Variants in HADHB observed in about 807,000 individuals in gnomAD.
HADHB encodes the protein trifunctional enzyme subunit beta, mitochondrial.
Under a neutral mutation model 61.9 loss-of-function variants are expected in HADHB, and 50 were observed. The observed-to-expected ratio is 0.81, with a 90% CI of 0.64 to 1.02. The LOEUF (loss-of-function observed/expected upper bound fraction) is 1.02. Among genes scored for constraint, HADHB ranks in the 50% least tolerant of loss-of-function variants. The pLI is 0.00. For missense variants in HADHB, 504 were observed against 586.5 expected (o/e 0.86, Z 1.45); for synonymous variants, 191 against 201.6 (o/e 0.95, Z 0.45).
chr2:26,254,816 T>G, intron 3 of HADHB: 1 of 259,330 alleles, frequency 3.9e-6, no homozygotes, highest in South Asian at 5.4e-5. Flanking sequence ...AGACCTGCTA[T>G]GGAACCAAAA....
chr2:26,287,281 A>T (rs181956915), intron 15 of HADHB, among the ~76,000 whole-genome samples: 18 of 152,286 alleles, frequency 1.2e-4, no homozygotes, highest in Admixed American at 1.2e-3. Context: ...TGCAGAAACC[A>T]AGGGGTCAGT....
In HADHB at chr2:26,288,506, C is replaced by T. The variant is rs967664249; in HGVS notation, c.1390-1412C>T. ...GGCAGATTGCTTGAGCTCAGGAGTTCGAGACCATCCTGGACAACATGGCAA... is the reference window on the plus strand; with the variant it reads ...GGCAGATTGCTTGAGCTCAGGAGTTTGAGACCATCCTGGACAACATGGCAA... On this transcript the variant is annotated intron_variant, in intron 15 of 15. Transcript: ENST00000317799. 7.2e-5 allele frequency among the ~76,000 whole-genome samples: 11 copies of T among 151,732 alleles called. No homozygotes were observed. The South Asian group carries it at 1.0e-3, about 14-fold the overall frequency.
chr2:26,269,769 T>C (rs1265864169), intron 4 of HADHB, among the ~76,000 whole-genome samples, 184 bp from the exon 5 acceptor site: 2 of 152,228 alleles, frequency 1.3e-5, no homozygotes, highest in Non-Finnish European at 2.9e-5. Flanking sequence ...GCTAGACTTT[T>C]AAGGATGACA....
In HADHB at chr2:26,282,820, A is replaced by G. The variant is rs780620904; in HGVS notation, c.934-25A>G. Reference sequence around the variant, plus strand: ...ACCTCCAGACAGGCTGAAGAATTTTAACATTGTGCTGGTTAACATTTCAGA... The same window carrying G: ...ACCTCCAGACAGGCTGAAGAATTTTGACATTGTGCTGGTTAACATTTCAGA... On this transcript the variant is annotated intron_variant, in intron 10 of 15. Transcript: ENST00000317799. The G allele has an allele frequency of 3.2e-6, 5 of 1,565,486 alleles. No homozygotes were observed. In the East Asian group the frequency reaches 1.1e-4, roughly 35 times the overall value.
intron 3 of HADHB, among the ~76,000 whole-genome samples, chr2:26,257,152 G>A (rs867796647): frequency 6.8e-4 from 91 of 134,602 alleles, no homozygotes; most frequent in Non-Finnish European, 1.2e-3. Context: ...ACAGAGTCTC[G>A]TGCTGTCGCC....
intron 6 of HADHB, 146 bp from the exon 7 acceptor site, chr2:26,276,927 A>G (rs1177166710): frequency 3.1e-6 from 2 of 646,688 alleles, no homozygotes; most frequent in South Asian, 1.7e-5. Context: ...CATTTCTGTG[A>G]TGGACTTCAT....
chr2:26,254,218 AG>A (rs1671519217), intron 1 of HADHB, 28 bp from the exon 2 acceptor site: 1 of 983,668 alleles, frequency 1.0e-6, no homozygotes, highest in African/African-American at 1.6e-5. Flanking sequence ...CAGCTAATCC[AG>A]GATATACTTT....
chr2:26,250,125 G>T (rs1019934219), intron 1 of HADHB, among the ~76,000 whole-genome samples: 2 of 152,130 alleles, frequency 1.3e-5, no homozygotes, highest in African/African-American at 4.8e-5. Context: ...TCCTGCCTCA[G>T]TTCCCAAGTA....
In HADHB at chr2:26,263,417, C is replaced by A; in HGVS notation, c.147C>A (p.Pro49=). ...AAACGAAGAAGACGTTAGCCAAACC[C>A]AATATAAGGAATGTTGTGGTGGTGG... The part of the protein sequence containing the change: ...QTKTKKTLAK[P]NIRNVVVVDG... Residue 49 remains proline, a synonymous_variant, in exon 4 of 16, where the codon CCC becomes CCA. Coordinates refer to ENST00000317799, the MANE Select transcript of HADHB (RefSeq NM_000183.3). 6.2e-7 allele frequency: 1 copy of A among 1,613,316 alleles called. No individual in the cohort carries two copies.
chr2:26,257,671 C>T (rs1671686741), intron 3 of HADHB, among the ~76,000 whole-genome samples: 1 of 152,004 alleles, frequency 6.6e-6, no homozygotes, highest in Admixed American at 6.6e-5. Flanking sequence ...AGGCCCACAA[C>T]GTTAAAGATG....
At chr2:26,287,206 A>C (rs1190834222) in intron 15 of HADHB, among the ~76,000 whole-genome samples, 1 of 152,208 alleles carries the variant, frequency 6.6e-6, no homozygotes, top group East Asian at 1.9e-4. Flanking sequence ...CTGTCTCAAA[A>C]ATAAAGTAAA....
In HADHB at chr2:26,269,315, CT is replaced by C. The variant is rs1672236474; in HGVS notation, c.210-637del. ...CCTTAAGCAGTCTTCTCACCTCAGC[CT>C]CCCAAGTAGCTAGGACTACAGATCC... is the stretch of plus-strand genomic sequence containing the variant. On this transcript the variant is annotated intron_variant, in intron 4 of 15. Coordinates refer to ENST00000317799, the MANE Select transcript of HADHB (RefSeq NM_000183.3). 2.0e-5 allele frequency among the ~76,000 whole-genome samples: 3 copies of C among 152,120 alleles called. No homozygotes were observed. The South Asian group carries it at 6.2e-4, about 31-fold the overall frequency.
chr2:26,256,216 G>GA (rs1469106377), intron 3 of HADHB, among the ~76,000 whole-genome samples: 2 of 152,242 alleles, frequency 1.3e-5, no homozygotes, highest in Non-Finnish European at 2.9e-5. Context: ...AAAACAATGG[G>GA]AAGTGGCCAG....
rs762636496 is a variant in HADHB at position 26,263,494 on chromosome 2, A to G, written c.209+15A>G. ...TCTGGCACTTCGTAAGTATGACATGATCATATTATTTTTTTCCTTCTTTTA... is the reference window on the plus strand; with the variant it reads ...TCTGGCACTTCGTAAGTATGACATGGTCATATTATTTTTTTCCTTCTTTTA... On this transcript the variant is annotated intron_variant, in intron 4 of 15. Coordinates refer to ENST00000317799, the MANE Select transcript of HADHB (RefSeq NM_000183.3). 1 of 1,470,490 alleles carries G rather than the reference A, an allele frequency of 6.8e-7. No homozygotes were observed. Among genetic ancestry groups the G allele is most frequent in the Admixed American group, 1.7e-5 (1 of 59,830 alleles). 91.1% of individuals were successfully genotyped at this position (1,470,490 alleles called of 1,614,324 possible). A position where few individuals can be genotyped will look rare whatever the true frequency, so the allele number is the denominator to read the frequency against.
intron 4 of HADHB, among the ~76,000 whole-genome samples, chr2:26,268,533 C>A (rs950529788): frequency 1.3e-5 from 2 of 152,134 alleles, no homozygotes; most frequent in Non-Finnish European, 2.9e-5. Flanking sequence ...TATCATGTGC[C>A]CCCTGATACG....
At chr2:26,266,871 CAAAAAAAAAAA>C (rs56401595) in intron 4 of HADHB, among the ~76,000 whole-genome samples, 3 of 45,426 alleles carry the variant, frequency 6.6e-5, no homozygotes, top group African/African-American at 9.9e-5. Flanking sequence ...CACTCTCTCT[CAAAAAAAAAAA>C]AAAAAAAAAA....
intron 3 of HADHB, chr2:26,261,103 A>G (rs1450889120): frequency 7.0e-6 from 7 of 1,006,134 alleles, no homozygotes; most frequent in Non-Finnish European, 1.1e-5. Flanking sequence ...CAGCTTTTAT[A>G]TTGACTTAGG....
At chr2:26,272,921 A>G (rs1672403609) in intron 5 of HADHB, among the ~76,000 whole-genome samples, 1 of 151,932 alleles carries the variant, frequency 6.6e-6, no homozygotes. Context: ...TGTTTCTACT[A>G]AAAATACAAA....
intron 1 of HADHB, among the ~76,000 whole-genome samples, chr2:26,252,501 A>G (rs1671439366): frequency 6.6e-6 from 1 of 152,174 alleles, no homozygotes; most frequent in African/African-American, 2.4e-5. Context: ...AATTATTTTT[A>G]ACATCTTTAT....
Sources: gnomAD v4.1 joint callset for allele counts (sites outside exome capture counted in the v4.1 genomes callset) on GRCh38, gnomAD v4.1.1 for gene constraint, MANE v1.5 for transcripts, NCBI Gene and HGNC (gene_info 2026-07-23, HGNC 2026-07-21) for gene names.